ATP11A: variants seen among roughly 807,000 people sequenced by gnomAD.
The protein encoded by ATP11A is ATPase phospholipid transporting 11A.
Under a neutral mutation model 154.4 loss-of-function variants are expected in ATP11A, and 81 were observed. That is an observed-to-expected ratio of 0.52 (90% CI 0.44 to 0.63). The LOEUF is 0.63. ATP11A is among the 30% of genes least tolerant of loss of function. ATP11A has a pLI of 0.00. For missense variants in ATP11A, 1,316 were observed against 1,474.3 expected (o/e 0.89, Z 1.76); for synonymous variants, 623 against 585.9 (o/e 1.06, Z -0.91).
chr13:112,757,450 C>T (rs945334108), intron 1 of ATP11A, among the ~76,000 whole-genome samples: 4 of 152,238 alleles, frequency 2.6e-5, no homozygotes, highest in Non-Finnish European at 2.9e-5. Flanking sequence ...CAGGTATTTG[C>T]GAAAACTACA....
In ATP11A at chr13:112,838,246, G is replaced by A. The variant is rs1022334646; in HGVS notation, c.1705+1995G>A. Among the ~76,000 whole-genome samples, 7 of 152,282 alleles carry A rather than the reference G, an allele frequency of 4.6e-5. No homozygotes were observed. Among genetic ancestry groups the A allele is most frequent in the East Asian group, 3.9e-4 (2 of 5,178 alleles). Reference sequence around the variant, plus strand: ...GCAGTCCTGAGAGTCTCAGCCACTCGGAGTTATCTGGGATAAACGCATCCT... The same window carrying A: ...GCAGTCCTGAGAGTCTCAGCCACTCAGAGTTATCTGGGATAAACGCATCCT... On this transcript the variant is annotated intron_variant, in intron 16 of 29. Coordinates refer to ENST00000375645, the MANE Select transcript of ATP11A (RefSeq NM_015205.3). The surrounding 1 kb of genome is among the most constrained non-coding windows in gnomAD (Gnocchi z 7.3).
chr13:112,777,709 C>T (rs148501373), intron 1 of ATP11A, among the ~76,000 whole-genome samples: 14 of 152,352 alleles, frequency 9.2e-5, no homozygotes, highest in South Asian at 4.1e-4. Flanking sequence ...AGCCCCCTCC[C>T]GCTGGAAGGT....
At chr13:112,741,250 G>T (rs553087178) in intron 1 of ATP11A, among the ~76,000 whole-genome samples, 1 of 150,516 alleles carries the variant, frequency 6.6e-6, no homozygotes, top group East Asian at 2.0e-4. Context: ...AGCCACACTG[G>T]GGGTGGAGAA....
Position 112,837,956 on chromosome 13 carries a change from G to A in ATP11A, c.1705+1705G>A, listed in dbSNP as rs140842538. 1.1e-4 allele frequency among the ~76,000 whole-genome samples: 16 copies of A among 152,124 alleles called. No homozygotes were observed. In the East Asian group the frequency reaches 1.4e-3, roughly 13 times the overall value. On this transcript the variant is annotated intron_variant, in intron 16 of 29. Coordinates refer to ENST00000375645, the MANE Select transcript of ATP11A (RefSeq NM_015205.3). ...CTCTGGGGGGCTGCCGCCTGCCTTC[G>A]CTGGTTCCTTAGACACAGTCCCACT...
At chr13:112,870,258 T>A (rs558294208) in intron 25 of ATP11A, among the ~76,000 whole-genome samples, 1 of 152,238 alleles carries the variant, frequency 6.6e-6, no homozygotes, top group Non-Finnish European at 1.5e-5. Flanking sequence ...TGAGATGTTA[T>A]CCTGTTATCC....
At chr13:112,727,563 T>TA (rs1890011523) in intron 1 of ATP11A, among the ~76,000 whole-genome samples, 1 of 151,392 alleles carries the variant, frequency 6.6e-6, no homozygotes, top group African/African-American at 2.4e-5. Flanking sequence ...AAAAAAAAGA[T>TA]AAATGCCACA....
intron 1 of ATP11A, among the ~76,000 whole-genome samples, chr13:112,703,612 A>G: frequency 6.6e-6 from 1 of 152,208 alleles, no homozygotes; most frequent in East Asian, 1.9e-4. Context: ...CTTAGTGAGA[A>G]TGGGTTATTT....
At chr13:112,784,656 G>A (rs968062009) in intron 1 of ATP11A, among the ~76,000 whole-genome samples, 1 of 151,702 alleles carries the variant, frequency 6.6e-6, no homozygotes, top group Non-Finnish European at 1.5e-5. Flanking sequence ...CTGAGTAGCT[G>A]GGACTACAGG....
intron 1 of ATP11A, among the ~76,000 whole-genome samples, chr13:112,734,177 CTA>C (rs1890770323): frequency 6.6e-6 from 1 of 152,116 alleles, no homozygotes; most frequent in East Asian, 1.9e-4. Flanking sequence ...GTTTGAGAAA[CTA>C]AGCCCTCTGG....
intron 22 of ATP11A, 34 bp downstream of exon 22, chr13:112,858,324 G>C (rs778945532): frequency 6.3e-7 from 1 of 1,591,436 alleles, no homozygotes; most frequent in Non-Finnish European, 8.6e-7. Context: ...CACGGTGTTA[G>C]CAACAGGTCA....
At chr13:112,820,098 T>C (rs1187272501) in intron 8 of ATP11A, 148 bp downstream of exon 8, 6 of 760,186 alleles carry the variant, frequency 7.9e-6, no homozygotes, top group Non-Finnish European at 1.2e-5. Context: ...GGCTCCACTC[T>C]CGTCTCTGGT....
chr13:112,843,957 C>G (rs1446570019), intron 17 of ATP11A, among the ~76,000 whole-genome samples: 1 of 152,206 alleles, frequency 6.6e-6, no homozygotes, highest in Non-Finnish European at 1.5e-5. Context: ...AAATACATCA[C>G]TGACTTCCAC....
intron 1 of ATP11A, among the ~76,000 whole-genome samples, chr13:112,720,067 T>TA (rs542477379): frequency 9.7e-4 from 148 of 152,320 alleles, no homozygotes; most frequent in African/African-American, 3.4e-3. Context: ...ACCATTCTGT[T>TA]AATGGAAAGA....
chr13:112,819,345 G>A lies in ATP11A; in HGVS notation c.612G>A (p.Glu204=), dbSNP rs762906702. ...AVQDTKGFHT[E]EDIGGLHATI... is the part of the protein sequence containing the mutation. ...AGGACACCAAAGGCTTCCACACAGA[G>A]GAGGATATCGGCGGACTTCACGCCA... Residue 204 remains glutamate, a synonymous_variant, in exon 7 of 30, where the codon GAG becomes GAA. Coordinates refer to ENST00000375645, the MANE Select transcript of ATP11A (RefSeq NM_015205.3). 3.7e-6 allele frequency: 6 copies of A among 1,614,228 alleles called. No homozygotes were observed. Among genetic ancestry groups the A allele is most frequent in the South Asian group, 3.3e-5 (3 of 91,090 alleles).
At chr13:112,868,128 G>A (rs1170822389) in intron 25 of ATP11A, among the ~76,000 whole-genome samples, 1 of 152,230 alleles carries the variant, frequency 6.6e-6, no homozygotes, top group Non-Finnish European at 1.5e-5. Flanking sequence ...ACAGTTATTT[G>A]TTGAACAGCA....
Position 112,854,492 on chromosome 13 carries a change from G to A in ATP11A, c.2205G>A (p.Leu735=). The change falls in exon 19 of 30, where the codon CTG becomes CTA. Residue 735 remains leucine (L), a synonymous_variant. Transcript: ENST00000375645. ...DVLFELSKTV[L]RHSGSLTRDN... ...TGTTCGAGCTGAGCAAGACGGTCCT[G>A]CGCCACAGCGGGAGCCTGACCAGAG... 6.2e-7 allele frequency: 1 copy of A among 1,611,934 alleles called. No individual in the cohort carries two copies. Among genetic ancestry groups the A allele is most frequent in the Non-Finnish European group, 8.5e-7 (1 of 1,180,018 alleles).
intron 2 of ATP11A, among the ~76,000 whole-genome samples, chr13:112,801,794 G>A (rs980922361): frequency 2.0e-5 from 3 of 152,166 alleles, no homozygotes; most frequent in Admixed American, 1.3e-4. Context: ...TAAATTAATG[G>A]AGAGATGTTC....
At chr13:112,825,384 C>T (rs1363076784) in intron 10 of ATP11A, 46 bp from the exon 11 acceptor site, 2 of 1,551,088 alleles carry the variant, frequency 1.3e-6, no homozygotes, top group South Asian at 1.2e-5. Flanking sequence ...AAGTGCAGAG[C>T]TCATTTCCTC....
rs757447800 is a variant in ATP11A at position 112,831,567 on chromosome 13, GCCGT to G, written c.1395+22_1395+25del. 6.8e-4 allele frequency: 1,101 copies of G among 1,611,324 alleles called. No homozygotes were observed. Among genetic ancestry groups the G allele is most frequent in the Non-Finnish European group, 9.0e-4 (1,060 of 1,178,366 alleles). On this transcript the variant is annotated intron_variant, in intron 13 of 29. Coordinates refer to ENST00000375645, the MANE Select transcript of ATP11A (RefSeq NM_015205.3). ...CGGGAGGGTAGGTGGCAGCCCCCAC[GCCGT>G]CCAAGTGTGTGAGTGAGTGGGCGGC... is the stretch of plus-strand genomic sequence containing the variant.
Sources: allele counts gnomAD v4.1 joint callset (sites outside exome capture counted in the v4.1 genomes callset), GRCh38; gene constraint gnomAD v4.1.1; non-coding constraint Gnocchi (gnomAD v3.1); transcripts MANE v1.5; gene names NCBI Gene and HGNC (gene_info 2026-07-23, HGNC 2026-07-21).